ZNF85: variants seen among roughly 807,000 people sequenced by gnomAD.
ZNF85 encodes the protein zinc finger protein 85.
ZNF85 carries 50 observed loss-of-function variants against 53.9 expected under a neutral mutation model. The observed-to-expected ratio is 0.93, with a 90% CI of 0.74 to 1.17. The LOEUF (loss-of-function observed/expected upper bound fraction) is 1.17, where lower values mean the gene tolerates loss of function less well. Among genes scored for constraint, ZNF85 ranks in the 50% most tolerant of loss-of-function variants. The probability of loss-of-function intolerance (pLI) is 0.00; values close to 1 mark genes in which losing one functional copy is unlikely to be tolerated. For synonymous variants in ZNF85, 225 were observed against 226.1 expected (o/e 1.00, Z 0.04); for missense variants, 747 against 688.5 (o/e 1.08, Z -0.95).
At chr19:20,927,975 T>C (rs1436686026) in intron 1 of ZNF85, 3 of 151,266 alleles carry the variant, frequency 2.0e-5, no homozygotes, top group Non-Finnish European at 4.4e-5. Flanking sequence ...ATTATGTATG[T>C]GTTTCATTTT....
intron 3 of ZNF85, among the ~76,000 whole-genome samples, chr19:20,945,292 A>G (rs1973393186): frequency 6.6e-6 from 1 of 152,084 alleles, no homozygotes; most frequent in South Asian, 2.1e-4. Context: ...AATTTTTTCC[A>G]TTTTGTAGCA....
chr19:20,950,572 C>T lies in ZNF85; in HGVS notation c.*270C>T, dbSNP rs73021544. ...AAACTTAATTTATGCTCACACCTTACTGCACAGAAAAGAATTTTTAGTTGA... is the reference window on the plus strand; with the variant it reads ...AAACTTAATTTATGCTCACACCTTATTGCACAGAAAAGAATTTTTAGTTGA... On this transcript the variant is annotated 3_prime_UTR_variant, in exon 4 of 4. Transcript: ENST00000328178. 0.11 allele frequency: 33,907 copies of T among 305,152 alleles called. 2,121 individuals carry two copies. Among genetic ancestry groups the T allele is most frequent in the Non-Finnish European group, 0.13 (21,205 of 168,012 alleles). 18.9% of individuals were successfully genotyped at this position (305,152 alleles called of 1,614,324 possible).
Position 20,950,274 on chromosome 19 carries a change from T to G in ZNF85, c.1760T>G (p.Ile587Ser). The change falls in exon 4 of 4, where the codon ATT (isoleucine) becomes AGT (serine). Residue 587 changes from isoleucine (I) to serine (S), a missense_variant. Ile to Ser is a moderately radical substitution (Grantham distance 142). Transcript: ENST00000328178. ...WSSVLTKHKI[I>S]HTGEKLQI ...TCAGTCCTTACTAAACATAAGATAATTCATACCGGAGAAAAATTACAAATA... is the reference window on the plus strand; with the variant it reads ...TCAGTCCTTACTAAACATAAGATAAGTCATACCGGAGAAAAATTACAAATA... 6.5e-7 allele frequency: 1 copy of G among 1,540,390 alleles called. No individual in the cohort carries two copies. Among genetic ancestry groups the G allele is most frequent in the Non-Finnish European group, 8.7e-7 (1 of 1,148,656 alleles).
At chr19:20,942,723 T>C in intron 3 of ZNF85, 1 of 632,664 alleles carries the variant, frequency 1.6e-6, no homozygotes, top group Non-Finnish European at 2.9e-6. Flanking sequence ...CATTCAGTTT[T>C]GGTCAGAAAA....
intron 1 of ZNF85, among the ~76,000 whole-genome samples, chr19:20,930,145 AAT>A (rs1972979744): frequency 7.2e-6 from 1 of 138,240 alleles, no homozygotes; most frequent in African/African-American, 2.6e-5. Flanking sequence ...AAAAAAAAGA[AAT>A]CAGAGTTTTT....
intron 1 of ZNF85, among the ~76,000 whole-genome samples, chr19:20,930,901 T>C (rs1372696095): frequency 1.3e-5 from 2 of 152,180 alleles, no homozygotes; most frequent in South Asian, 2.1e-4. Flanking sequence ...GCCTCCCTAG[T>C]AGCTGGGATT....
At chr19:20,947,119 G>A (rs1280812363) in intron 3 of ZNF85, among the ~76,000 whole-genome samples, 3 of 150,662 alleles carry the variant, frequency 2.0e-5, no homozygotes, top group East Asian at 2.0e-4. Context: ...GGTACCTTGG[G>A]GTTTACATAA....
intron 3 of ZNF85, chr19:20,943,366 A>G (rs1973344985): frequency 6.6e-6 from 1 of 152,312 alleles, no homozygotes; most frequent in African/African-American, 2.4e-5. Flanking sequence ...CACTCTGTTA[A>G]TTCAGATGAG....
rs553938769 is a variant in ZNF85, at chr19:20,944,912, T to G, written c.230-3832T>G. Reference sequence around the variant, plus strand: ...GCTAATGTGTTTATGTTTGCTTGCCTGTATAAATATTATTTCTATTTTCCT... The same window carrying G: ...GCTAATGTGTTTATGTTTGCTTGCCGGTATAAATATTATTTCTATTTTCCT... On this transcript the variant is annotated intron_variant, in intron 3 of 3. Transcript: ENST00000328178. Among the ~76,000 whole-genome samples, 9 of 152,300 alleles carry G rather than the reference T, an allele frequency of 5.9e-5. No homozygotes were observed. In the South Asian group the frequency reaches 1.9e-3, roughly 32 times the overall value.
chr19:20,930,220 G>A (rs1007691812), intron 1 of ZNF85, among the ~76,000 whole-genome samples: 3 of 149,870 alleles, frequency 2.0e-5, no homozygotes, highest in Non-Finnish European at 3.0e-5. Context: ...CCCCAAAACA[G>A]ATAAATGGTA....
chr19:20,936,122 C>G (rs985020758), intron 3 of ZNF85, among the ~76,000 whole-genome samples: 4 of 151,944 alleles, frequency 2.6e-5, no homozygotes, highest in African/African-American at 4.8e-5. Flanking sequence ...GTATATGGAA[C>G]CCTAATTTAT....
intron 1 of ZNF85, among the ~76,000 whole-genome samples, chr19:20,932,759 T>G (rs992269313): frequency 6.6e-6 from 1 of 152,148 alleles, no homozygotes; most frequent in African/African-American, 2.4e-5. Context: ...CTATTACAAA[T>G]TATAGACAGG....
rs1277606313 is a variant in ZNF85, at chr19:20,923,324, C to A, written c.-77C>A. The stretch of plus-strand genomic sequence containing the variant: ...TTTGTGTTTTCTGCTCGTGGACGCC[C>A]AGCCTCTGTGGCCCTGTGGCCTGCA... On this transcript the variant is annotated 5_prime_UTR_variant, in exon 1 of 4. Coordinates refer to ENST00000328178, the MANE Select transcript of ZNF85 (RefSeq NM_003429.5). 2.5e-5 allele frequency: 41 copies of A among 1,609,528 alleles called. No homozygotes were observed. Among genetic ancestry groups the A allele is most frequent in the Non-Finnish European group, 3.4e-5 (40 of 1,176,554 alleles).
chr19:20,933,964 TG>T, intron 1 of ZNF85, 59 bp from the exon 2 acceptor site: 1 of 465,176 alleles, frequency 2.1e-6, no homozygotes, highest in East Asian at 4.9e-5. Flanking sequence ...ATTATGTGTG[TG>T]TGTGTGTGTG....
intron 1 of ZNF85, 37 bp from the exon 2 acceptor site, chr19:20,933,987 G>GTGTGTGTGTA: frequency 1.6e-6 from 2 of 1,264,176 alleles, no homozygotes; most frequent in Non-Finnish European, 2.2e-6. Flanking sequence ...GTGTGTGTGT[G>GTGTGTGTGTA]TGTGTGTGTG....
chr19:20,944,195 AT>A (rs943956375), intron 3 of ZNF85: 6 of 152,884 alleles, frequency 3.9e-5, no homozygotes, highest in Admixed American at 3.3e-4. Context: ...GTTCAGCATC[AT>A]TTTATTTTTT....
At chr19:20,932,918 G>A (rs1286626915) in intron 1 of ZNF85, among the ~76,000 whole-genome samples, 6 of 151,818 alleles carry the variant, frequency 4.0e-5, no homozygotes, top group Non-Finnish European at 7.4e-5. Flanking sequence ...GGATGGGCGC[G>A]GTGGCTCAGC....
chr19:20,941,085 A>G (rs1973284227), intron 3 of ZNF85, among the ~76,000 whole-genome samples: 1 of 152,250 alleles, frequency 6.6e-6, no homozygotes, highest in Admixed American at 6.5e-5. Flanking sequence ...ACATTTTAAA[A>G]TAATGACTGC....
In ZNF85 at chr19:20,934,170, A is replaced by C. The variant is rs770463151; in HGVS notation, c.130+20A>C. Reference sequence around the variant, plus strand: ...TCCTGGGTGAGGATAACTTCAATACACAATTTCTAATATGCCCTAAAGGTT... The same window carrying C: ...TCCTGGGTGAGGATAACTTCAATACCCAATTTCTAATATGCCCTAAAGGTT... On this transcript the variant is annotated intron_variant, in intron 2 of 3. Transcript: ENST00000328178. 1.2e-5 allele frequency: 19 copies of C among 1,604,790 alleles called. No homozygotes were observed. The highest frequency in any genetic ancestry group is 1.7e-4 in the Middle Eastern group (1 of 6,030).
Sources: allele counts gnomAD v4.1 joint callset (sites outside exome capture counted in the v4.1 genomes callset), GRCh38; gene constraint gnomAD v4.1.1; transcripts MANE v1.5; gene names NCBI Gene and HGNC (gene_info 2026-07-23, HGNC 2026-07-21).